The following SLC7A7 variants were observed in gnomAD, a reference collection of about 807,000 sequenced individuals.
SLC7A7 encodes solute carrier family 7 member 7, also known as Y+L amino acid transporter 1.
Under a neutral mutation model 47.9 loss-of-function variants are expected in SLC7A7, and 39 were observed. The ratio of observed to expected loss-of-function variants is 0.81; its 90% confidence interval spans 0.63 to 1.06. The LOEUF is 1.06. SLC7A7 is among the 50% of genes least tolerant of loss of function. The probability of loss-of-function intolerance (pLI) is 0.00; values close to 1 mark genes in which losing one functional copy is unlikely to be tolerated. For synonymous variants in SLC7A7, 234 were observed against 242.8 expected (o/e 0.96, Z 0.34); for missense variants, 588 against 632.0 (o/e 0.93, Z 0.75).
intron 2 of SLC7A7, among the ~76,000 whole-genome samples, chr14:22,780,627 G>A (rs2038702325): frequency 6.6e-6 from 1 of 152,244 alleles, no homozygotes. Context: ...GCAGCTAAGA[G>A]TGGTTCCTGT....
In SLC7A7 at chr14:22,811,829, A is replaced by G. The variant is rs184479304; in HGVS notation, c.499+1071T>C. 1.6e-3 allele frequency among the ~76,000 whole-genome samples: 222 copies of G among 136,910 alleles called. 4 individuals are homozygous for G. The highest frequency in any genetic ancestry group is 7.5e-3 in the Middle Eastern group (2 of 268). The allele number at this position is 136,910 out of a possible 152,430, so 89.8% of individuals were successfully genotyped here. The stretch of plus-strand genomic sequence containing the variant: ...ATTGCACCACTCAAGCCTGGGCGAC[A>G]GAGTGACTCTATCTCAAAAAAAAAA... On this transcript the variant is annotated intron_variant, in intron 2 of 9. Coordinates refer to ENST00000674313, the MANE Select transcript of SLC7A7 (RefSeq NM_003982.4).
chr14:22,804,673 C>T (rs577063737), intron 2 of SLC7A7, among the ~76,000 whole-genome samples: 48 of 152,112 alleles, frequency 3.2e-4, no homozygotes, highest in Non-Finnish European at 5.9e-4. Flanking sequence ...AATCATCTCA[C>T]GTCAGTCAGA....
intron 2 of SLC7A7, among the ~76,000 whole-genome samples, chr14:22,803,332 C>T (rs939076636): frequency 1.4e-4 from 22 of 152,240 alleles, no homozygotes; most frequent in African/African-American, 4.8e-4. Flanking sequence ...GAAGGAGAAT[C>T]GCTTGAACCC....
intron 2 of SLC7A7, among the ~76,000 whole-genome samples, chr14:22,786,656 G>T (rs1258965854): frequency 1.3e-5 from 2 of 152,264 alleles, no homozygotes; most frequent in Admixed American, 1.3e-4. Context: ...TTTTTTAGCT[G>T]GGTGCGATGG....
intron 2 of SLC7A7, among the ~76,000 whole-genome samples, chr14:22,799,723 G>A (rs936863987): frequency 6.6e-6 from 1 of 151,814 alleles, no homozygotes; most frequent in African/African-American, 2.4e-5. Flanking sequence ...CCAAAGTGTT[G>A]GGATTACAGG....
intron 2 of SLC7A7, among the ~76,000 whole-genome samples, chr14:22,783,631 C>T (rs2038761046): frequency 6.6e-6 from 1 of 151,590 alleles, no homozygotes; most frequent in South Asian, 2.1e-4. Flanking sequence ...AAACTCCTGA[C>T]CTCAGGTGAT....
At chr14:22,801,951 AC>A (rs1246151858) in intron 2 of SLC7A7, among the ~76,000 whole-genome samples, 1 of 152,126 alleles carries the variant, frequency 6.6e-6, no homozygotes, top group Admixed American at 6.5e-5. Flanking sequence ...TTAATCTCCA[AC>A]CCTATCTCTT....
Position 22,774,508 on chromosome 14 carries a change from A to C in SLC7A7, c.1096-5T>G. On this transcript the variant is annotated splice_polypyrimidine_tract_variant and splice_region_variant and intron_variant, in intron 7 of 9. Coordinates refer to ENST00000674313, the MANE Select transcript of SLC7A7 (RefSeq NM_003982.4). ...GTAGATCAATGCCATGATACCCTGTAAGCGTGAGCCTAAGTCAGCTCTTCT... is the reference window on the plus strand; with the variant it reads ...GTAGATCAATGCCATGATACCCTGTCAGCGTGAGCCTAAGTCAGCTCTTCT... 1.9e-6 allele frequency: 3 copies of C among 1,614,144 alleles called. No individual in the cohort carries two copies. The highest frequency in any genetic ancestry group is 2.5e-6 in the Non-Finnish European group (3 of 1,180,022).
rs775050915 is a variant in SLC7A7, at chr14:22,773,520, C to T, written c.*90G>A. On this transcript the variant is annotated 3_prime_UTR_variant, in exon 10 of 10. Coordinates refer to ENST00000674313, the MANE Select transcript of SLC7A7 (RefSeq NM_003982.4). Reference sequence around the variant, plus strand: ...AGGCCAGGCTTCTGGACAGGTGCCTCCAAAGAAGTGAGCTTTCCTTTTCAA... The same window carrying T: ...AGGCCAGGCTTCTGGACAGGTGCCTTCAAAGAAGTGAGCTTTCCTTTTCAA... The T allele has an allele frequency of 8.7e-7, 1 of 1,151,108 alleles. No homozygotes were observed. The highest frequency in any genetic ancestry group is 2.4e-5 in the East Asian group (1 of 42,122). 71.3% of individuals were successfully genotyped at this position (1,151,108 alleles called of 1,614,324 possible).
chr14:22,807,375 A>G (rs147394803), intron 2 of SLC7A7, among the ~76,000 whole-genome samples: 234 of 152,130 alleles, frequency 1.5e-3, no homozygotes, highest in Admixed American at 2.3e-3. Context: ...CCTTTTAACT[A>G]AGTCTCATTA....
chr14:22,803,077 T>C (rs1407681748), intron 2 of SLC7A7, among the ~76,000 whole-genome samples: 1 of 152,206 alleles, frequency 6.6e-6, no homozygotes, highest in East Asian at 1.9e-4. Context: ...CATATGTTTA[T>C]ATTCTAGAGG....
chr14:22,806,187 C>CT (rs77783824), intron 2 of SLC7A7, among the ~76,000 whole-genome samples: 2,300 of 78,276 alleles, frequency 0.029, 536 homozygotes, highest in African/African-American at 0.096. Flanking sequence ...ACATCAATCT[C>CT]TTTTTTTTTT....
intron 4 of SLC7A7, 88 bp downstream of exon 4, chr14:22,778,704 AG>A: frequency 7.1e-7 from 1 of 1,408,038 alleles, no homozygotes; most frequent in African/African-American, 1.4e-5. Flanking sequence ...TTAACCTCAT[AG>A]TGGTTGTGGT....
At chr14:22,802,502 G>A (rs1182252678) in intron 2 of SLC7A7, among the ~76,000 whole-genome samples, 1 of 152,154 alleles carries the variant, frequency 6.6e-6, no homozygotes, top group Non-Finnish European at 1.5e-5. Flanking sequence ...GATAGGCACA[G>A]CTCTTCTGGC....
At chr14:22,790,669 G>A (rs1047844364) in intron 2 of SLC7A7, among the ~76,000 whole-genome samples, 4 of 151,750 alleles carry the variant, frequency 2.6e-5, no homozygotes. Context: ...ATCAAATATC[G>A]CTGATGCCTA....
At chr14:22,815,866 T>C, upstream of SLC7A7, 1 of 362,530 alleles carries the variant, frequency 2.8e-6, no homozygotes, top group South Asian at 2.0e-5. Context: ...GGTTGCACAG[T>C]GTGACACAAA....
In SLC7A7 at chr14:22,774,401, G is replaced by C. The variant is rs1018452911; in HGVS notation, c.1198C>G (p.Gln400Glu). ...GGCTCCTTCCAGCGCAGATAAAGCT[G>C]ACCCACAATAGAAAGCCCCACAAAG... ...WFFVGLSIVG[Q>E]LYLRWKEPDR... is the part of the protein sequence containing the mutation. Residue 400 changes from glutamine to glutamate, a missense_variant, in exon 8 of 10, where the codon CAG becomes GAG. Transcript: ENST00000674313. 1.2e-6 allele frequency: 2 copies of C among 1,614,098 alleles called. No homozygotes were observed. Among genetic ancestry groups the C allele is most frequent in the Non-Finnish European group, 1.7e-6 (2 of 1,180,020 alleles).
intron 2 of SLC7A7, among the ~76,000 whole-genome samples, chr14:22,782,261 C>T (rs2038731885): frequency 6.6e-6 from 1 of 151,576 alleles, no homozygotes; most frequent in Non-Finnish European, 1.5e-5. Context: ...CGCCACTATG[C>T]CCAGCTAATT....
chr14:22,807,734 C>T (rs751447545), intron 2 of SLC7A7, among the ~76,000 whole-genome samples: 1 of 152,184 alleles, frequency 6.6e-6, no homozygotes, highest in Non-Finnish European at 1.5e-5. Flanking sequence ...GTACCTTGCA[C>T]CTCCACACCT....
Sources: gnomAD v4.1 joint callset for allele counts (sites outside exome capture counted in the v4.1 genomes callset) on GRCh38, gnomAD v4.1.1 for gene constraint, MANE v1.5 for transcripts, NCBI Gene and HGNC (gene_info 2026-07-23, HGNC 2026-07-21) for gene names.